The following RFX4 variants were observed in gnomAD, a reference collection of about 807,000 sequenced individuals.
The protein encoded by RFX4 is regulatory factor X4, also known as transcription factor RFX4.
A neutral mutation model predicts 95.0 loss-of-function variants in RFX4; 10 were observed. The ratio of observed to expected loss-of-function variants is 0.11; its 90% confidence interval spans 0.06 to 0.18. RFX4 has a LOEUF of 0.18. RFX4 is among the 10% of genes least tolerant of loss of function. The pLI is 1.00. For missense variants in RFX4, 640 were observed against 922.0 expected (o/e 0.69, Z 3.96); for synonymous variants, 321 against 340.7 (o/e 0.94, Z 0.64).
At position 106,712,314 on chromosome 12, in the gene RFX4, A is replaced by G. The variant is rs1359542380; in HGVS notation, c.993+803A>G. On this transcript the variant is annotated intron_variant, in intron 10 of 17. Coordinates refer to ENST00000392842, the MANE Select transcript of RFX4 (RefSeq NM_213594.3). ...TGTAGAAAACCTTCAAGGGCTGACA[A>G]CTTGCTCCCAGAGTCCCATTTCCCC... Among the ~76,000 whole-genome samples the G allele has an allele frequency of 5.3e-5, 8 of 152,182 alleles. No homozygotes were observed. In the South Asian group the frequency reaches 1.2e-3, roughly 24 times the overall value.
intron 6 of RFX4, among the ~76,000 whole-genome samples, chr12:106,688,319 C>T (rs751129573): frequency 3.4e-4 from 51 of 152,210 alleles, no homozygotes; most frequent in Non-Finnish European, 6.5e-4. Context: ...CTGCCCACCT[C>T]GGCCTCCCAA....
At chr12:106,680,914 A>G (rs917711603) in intron 4 of RFX4, 33 of 152,258 alleles carry the variant, frequency 2.2e-4, no homozygotes, top group Admixed American at 6.5e-4. Flanking sequence ...TGGATACTAA[A>G]TAACTTGCCC....
intron 4 of RFX4, among the ~76,000 whole-genome samples, chr12:106,661,132 C>T (rs1329485319): frequency 2.0e-5 from 3 of 152,202 alleles, no homozygotes; most frequent in Admixed American, 2.0e-4. Flanking sequence ...CCTTACTCAC[C>T]ATGTGATGAT....
intron 13 of RFX4, among the ~76,000 whole-genome samples, chr12:106,724,483 T>A (rs1250500930): frequency 6.6e-6 from 1 of 152,220 alleles, no homozygotes; most frequent in African/African-American, 2.4e-5. Context: ...TTAATATTTT[T>A]AAAATATCCA....
At chr12:106,650,837 G>A (rs1028659923) in intron 3 of RFX4, among the ~76,000 whole-genome samples, 112 of 152,152 alleles carry the variant, frequency 7.4e-4, no homozygotes, top group African/African-American at 2.3e-3. Context: ...CAAATAGAAC[G>A]TATTAAGCTT....
intron 15 of RFX4, among the ~76,000 whole-genome samples, chr12:106,746,758 G>C (rs933732382): frequency 6.6e-6 from 1 of 152,176 alleles, no homozygotes; most frequent in Non-Finnish European, 1.5e-5. Context: ...TTTGCTTAAA[G>C]CAATTTGTTG....
chr12:106,689,398 G>T (rs1348285454), intron 7 of RFX4, 34 bp downstream of exon 7: 1 of 1,538,756 alleles, frequency 6.5e-7, no homozygotes, highest in Admixed American at 1.7e-5. Context: ...TGAATACTCG[G>T]TATTAAAAAT....
chr12:106,741,848 A>T (rs957532135), intron 15 of RFX4, among the ~76,000 whole-genome samples: 1 of 152,228 alleles, frequency 6.6e-6, no homozygotes, highest in Non-Finnish European at 1.5e-5. Flanking sequence ...ACCTCAGATC[A>T]TCAGGCATAG....
chr12:106,709,451 G>A (rs182991302), intron 9 of RFX4, 21 bp downstream of exon 9: 879 of 1,565,082 alleles, frequency 5.6e-4, no homozygotes, highest in Non-Finnish European at 6.7e-4. Context: ...AGTTGAGAGC[G>A]GGATGGAAGA....
Position 106,644,747 on chromosome 12 carries a change from C to T in RFX4, c.191+5355C>T, listed in dbSNP as rs571641813. 2.0e-5 allele frequency among the ~76,000 whole-genome samples: 3 copies of T among 152,294 alleles called. No individual in the cohort carries two copies. In the South Asian group the frequency reaches 6.2e-4, roughly 32 times the overall value. ...AAATGGCTTTACCATTTTATATCTT[C>T]ATCTGCAGTGCAAAATACTTACAAA... On this transcript the variant is annotated intron_variant, in intron 3 of 17. Coordinates refer to ENST00000392842, the MANE Select transcript of RFX4 (RefSeq NM_213594.3).
At chr12:106,628,861 G>A (rs2040359134) in intron 2 of RFX4, among the ~76,000 whole-genome samples, 1 of 150,090 alleles carries the variant, frequency 6.7e-6, no homozygotes, top group Admixed American at 6.7e-5. Flanking sequence ...TGAGGTTCAA[G>A]TGATTCTCCT....
chr12:106,591,665 C>T (rs1330531679), intron 1 of RFX4, among the ~76,000 whole-genome samples: 2 of 152,156 alleles, frequency 1.3e-5, no homozygotes, highest in East Asian at 3.8e-4. Context: ...GTGAAATGTA[C>T]TTTCATCTTC....
At chr12:106,752,811 G>A (rs1742712708) in intron 17 of RFX4, among the ~76,000 whole-genome samples, 1 of 152,042 alleles carries the variant, frequency 6.6e-6, no homozygotes, top group Admixed American at 6.5e-5. Context: ...GAATAGACAG[G>A]CCATTGCACT....
intron 2 of RFX4, among the ~76,000 whole-genome samples, chr12:106,610,237 C>CAAAAAAA (rs398044781): frequency 3.9e-5 from 3 of 77,480 alleles, no homozygotes; most frequent in African/African-American, 8.7e-5. Flanking sequence ...GACTCCATCT[C>CAAAAAAA]AAAAAAAAAA....
intron 11 of RFX4, among the ~76,000 whole-genome samples, chr12:106,718,893 G>A (rs1229101554): frequency 1.3e-5 from 2 of 151,200 alleles, no homozygotes; most frequent in East Asian, 2.0e-4. Context: ...GGCGGATCAC[G>A]AGGTCAGGAG....
intron 3 of RFX4, among the ~76,000 whole-genome samples, chr12:106,645,046 C>T (rs1447920147): frequency 6.6e-6 from 1 of 152,110 alleles, no homozygotes; most frequent in Non-Finnish European, 1.5e-5. Context: ...CTCCCCCTCC[C>T]CCTAGAACAA....
chr12:106,682,215 T>C (rs1158506615), intron 5 of RFX4, 161 bp downstream of exon 5: 2 of 655,878 alleles, frequency 3.0e-6, no homozygotes, highest in African/African-American at 1.8e-5. Context: ...GGCCCCTCTC[T>C]CAGGACTCCT....
Position 106,762,113 on chromosome 12 carries a change from G to A in RFX4, c.*644G>A, listed in dbSNP as rs1325078609. The A allele has an allele frequency of 3.9e-5, 6 of 152,672 alleles. No individual in the cohort carries two copies. Among genetic ancestry groups the A allele is most frequent in the Admixed American group, 2.6e-4 (4 of 15,288 alleles). 9.5% of individuals were successfully genotyped at this position (152,672 alleles called of 1,614,324 possible). A position where few individuals can be genotyped will look rare whatever the true frequency, so the allele number is the denominator to read the frequency against. On this transcript the variant is annotated 3_prime_UTR_variant, in exon 18 of 18. Transcript: ENST00000392842. ...TCTTGGAATGTAAGCACTGTCTTGA[G>A]GGAAGGAAGAGGTCTGTTCTGTATT...
Position 106,696,547 on chromosome 12 carries a change from C to T in RFX4, c.833+101C>T, listed in dbSNP as rs921711354. On this transcript the variant is annotated intron_variant, in intron 8 of 17. Coordinates refer to ENST00000392842, the MANE Select transcript of RFX4 (RefSeq NM_213594.3). ...TAATCATGCACTGTCCAGAGGCCTCCCTTGTAAAGACCATTAATATTGAAC... is the reference window on the plus strand; with the variant it reads ...TAATCATGCACTGTCCAGAGGCCTCTCTTGTAAAGACCATTAATATTGAAC... The T allele has an allele frequency of 1.7e-5, 21 of 1,215,920 alleles. No individual in the cohort carries two copies. In the Admixed American group the frequency reaches 4.9e-4, roughly 28 times the overall value. 75.3% of individuals were successfully genotyped at this position (1,215,920 alleles called of 1,614,324 possible). A position where few individuals can be genotyped will look rare whatever the true frequency, so the allele number is the denominator to read the frequency against.
Sources: allele counts gnomAD v4.1 joint callset (sites outside exome capture counted in the v4.1 genomes callset), GRCh38; gene constraint gnomAD v4.1.1; transcripts MANE v1.5; gene names NCBI Gene and HGNC (gene_info 2026-07-23, HGNC 2026-07-21).